Variants in STARD13 observed in about 807,000 individuals in gnomAD.
STARD13 encodes stAR-related lipid transfer protein 13.
STARD13 carries 62 observed loss-of-function variants against 106.4 expected under a neutral mutation model. The observed-to-expected ratio is 0.58, with a 90% confidence interval of 0.48 to 0.72. STARD13 has a LOEUF of 0.72. Among genes scored for constraint, STARD13 ranks in the 30% least tolerant of loss-of-function variants. STARD13 has a pLI of 0.00. For missense variants in STARD13, 1,387 were observed against 1,424.0 expected (o/e 0.97, Z 0.42); for synonymous variants, 565 against 553.0 (o/e 1.02, Z -0.31).
chr13:33,307,397 A>G (rs1389933851), intron 1 of STARD13, among the ~76,000 whole-genome samples: 3 of 152,246 alleles, frequency 2.0e-5, no homozygotes, highest in Admixed American at 6.5e-5. Context: ...TAGCAAAGAC[A>G]TGGAATTAAC....
chr13:33,129,905 A>G lies in STARD13; in HGVS notation c.772T>C (p.Ser258Pro). The G allele has an allele frequency of 6.2e-7, 1 of 1,613,076 alleles. No individual in the cohort carries two copies. The highest frequency in any genetic ancestry group is 1.1e-5 in the South Asian group (1 of 91,048). The change falls in exon 5 of 14, where the codon TCA becomes CCA. Residue 258 changes from serine to proline, a missense_variant. Physicochemically the swap from Ser to Pro is moderately conservative, Grantham distance 74. Coordinates refer to ENST00000336934, the MANE Select transcript of STARD13 (RefSeq NM_178006.4). ...NEKPTRARAKSFLKRMETLRG... is the reference protein window; with the variant it reads ...NEKPTRARAKPFLKRMETLRG... ...AGTGTTTCCATGCGTTTCAAAAATG[A>G]TTTGGCCCTAGCCCTCGTGGGCTTC... is the stretch of plus-strand genomic sequence containing the variant.
At chr13:33,251,131 C>T (rs1890075619) in intron 1 of STARD13, among the ~76,000 whole-genome samples, 2 of 152,184 alleles carry the variant, frequency 1.3e-5, no homozygotes, top group Non-Finnish European at 2.9e-5. Context: ...CTCTGAGGCT[C>T]ATGTTTTTAT....
At chr13:33,650,164 A>AT in the STARD13 span, among the ~76,000 whole-genome samples, 68 of 48,372 alleles carry the variant, frequency 1.4e-3, 25 homozygotes, top group Admixed American at 3.8e-3. Context: ...CGTGACTCCA[A>AT]TTTTTTTTTT....
intron 1 of STARD13, among the ~76,000 whole-genome samples, chr13:33,313,618 C>T (rs1893222299): frequency 6.6e-6 from 1 of 152,172 alleles, no homozygotes; most frequent in Non-Finnish European, 1.5e-5. Flanking sequence ...TCCCACAGAA[C>T]CCCAAGCTGA....
the STARD13 span, among the ~76,000 whole-genome samples, chr13:33,424,175 C>A: frequency 6.6e-6 from 1 of 151,836 alleles, no homozygotes; most frequent in African/African-American, 2.4e-5. Context: ...AAAACAAAAA[C>A]CCCAGACTCA....
At chr13:33,312,653 C>T (rs1053660622) in intron 1 of STARD13, among the ~76,000 whole-genome samples, 14 of 152,192 alleles carry the variant, frequency 9.2e-5, no homozygotes, top group African/African-American at 3.1e-4. Context: ...TGTGGACTTG[C>T]TCCTTCTAAA....
the STARD13 span, among the ~76,000 whole-genome samples, chr13:33,359,117 C>T: frequency 6.6e-6 from 1 of 152,146 alleles, no homozygotes; most frequent in South Asian, 2.1e-4. Context: ...TGGCAACCCG[C>T]TCAGGTTGCC....
At chr13:33,501,713 T>C in the STARD13 span, among the ~76,000 whole-genome samples, 1 of 152,220 alleles carries the variant, frequency 6.6e-6, no homozygotes, top group African/African-American at 2.4e-5. Flanking sequence ...GTATTATTTC[T>C]GAGGGCTCTG....
chr13:33,252,475 C>T lies in STARD13; in HGVS notation c.169+32995G>A, dbSNP rs1179322319. 7.2e-5 allele frequency among the ~76,000 whole-genome samples: 11 copies of T among 152,308 alleles called. No homozygotes were observed. The East Asian group carries it at 7.7e-4, about 11-fold the overall frequency. ...GGGCCATATTCAGGTCCCTCCCTTC[C>T]GCATACTTTCAAATGGACTAAACAA... is the stretch of plus-strand genomic sequence containing the variant. On this transcript the variant is annotated intron_variant, in intron 1 of 13. Coordinates refer to ENST00000336934, the MANE Select transcript of STARD13 (RefSeq NM_178006.4).
At chr13:33,348,274 T>C (rs1222702407), downstream of STARD13, among the ~76,000 whole-genome samples, 2 of 152,264 alleles carry the variant, frequency 1.3e-5, no homozygotes, top group East Asian at 3.8e-4. Flanking sequence ...GCTTTCTATA[T>C]ATTCACGATC....
At chr13:33,537,090 C>T in the STARD13 span, among the ~76,000 whole-genome samples, 1 of 152,036 alleles carries the variant, frequency 6.6e-6, no homozygotes, top group Admixed American at 6.5e-5. Flanking sequence ...AGAGCAAATA[C>T]CACGACTTGA....
At chr13:33,428,476 T>C in the STARD13 span, among the ~76,000 whole-genome samples, 2 of 151,608 alleles carry the variant, frequency 1.3e-5, no homozygotes, top group East Asian at 3.9e-4. Flanking sequence ...TCAACAACAA[T>C]GAAAACCCCA....
At chr13:33,593,703 G>T in the STARD13 span, among the ~76,000 whole-genome samples, 1 of 151,982 alleles carries the variant, frequency 6.6e-6, no homozygotes, top group South Asian at 2.1e-4. Flanking sequence ...GTTTCTCCTT[G>T]TTCCTGAGAT....
the STARD13 span, among the ~76,000 whole-genome samples, chr13:33,400,653 C>CG: frequency 2.6e-5 from 4 of 151,944 alleles, no homozygotes; most frequent in African/African-American, 4.8e-5. Context: ...TTACTAGAGA[C>CG]GGGGTTTCAC....
At chr13:33,187,052 A>T (rs560277291) in intron 1 of STARD13, among the ~76,000 whole-genome samples, 6 of 152,286 alleles carry the variant, frequency 3.9e-5, no homozygotes, top group African/African-American at 1.4e-4. Context: ...CTACTTTTCT[A>T]ATCTGGAATT....
At chr13:33,165,798 T>C (rs1385178333) in intron 2 of STARD13, among the ~76,000 whole-genome samples, 1 of 152,226 alleles carries the variant, frequency 6.6e-6, no homozygotes, top group African/African-American at 2.4e-5. Context: ...ATACTTAATT[T>C]GGCAGATTTT....
At chr13:33,533,173 T>C in the STARD13 span, among the ~76,000 whole-genome samples, 1 of 152,188 alleles carries the variant, frequency 6.6e-6, no homozygotes, top group Non-Finnish European at 1.5e-5. Flanking sequence ...GTAGTGACCA[T>C]GTAAACCTGG....
intron 1 of STARD13, among the ~76,000 whole-genome samples, chr13:33,257,127 T>C (rs1890404076): frequency 6.6e-6 from 1 of 152,202 alleles, no homozygotes; most frequent in Admixed American, 6.5e-5. Flanking sequence ...TTAAGGATGT[T>C]CAATTAAGGC....
intron 1 of STARD13, among the ~76,000 whole-genome samples, chr13:33,196,376 T>C (rs1266215649): frequency 5.3e-5 from 8 of 152,138 alleles, no homozygotes; most frequent in African/African-American, 1.9e-4. Context: ...CGAGACTCTG[T>C]CTCAAAAAAC....
Sources: gnomAD v4.1 joint callset for allele counts (sites outside exome capture counted in the v4.1 genomes callset) on GRCh38, gnomAD v4.1.1 for gene constraint, MANE v1.5 for transcripts, NCBI Gene and HGNC (gene_info 2026-07-23, HGNC 2026-07-21) for gene names.